The following TPO variants were observed in gnomAD, a reference collection of about 807,000 sequenced individuals.
The protein encoded by TPO is thyroid microsomal antigen.
Under a neutral mutation model 96.9 loss-of-function variants are expected in TPO, and 78 were observed. The observed-to-expected ratio is 0.81, with a 90% CI of 0.67 to 0.97. The LOEUF (loss-of-function observed/expected upper bound fraction) is 0.97. TPO is among the 50% of genes least tolerant of loss of function. TPO has a pLI of 0.00. For missense variants in TPO, 1,252 were observed against 1,274.8 expected (o/e 0.98, Z 0.27); for synonymous variants, 547 against 538.0 (o/e 1.02, Z -0.23).
chr2:1,393,931 T>A (rs1573057361), intron 1 of TPO, among the ~76,000 whole-genome samples: 1 of 152,258 alleles, frequency 6.6e-6, no homozygotes, highest in Admixed American at 6.5e-5. Flanking sequence ...TTAAGTAGAC[T>A]GTGAAAGATA....
intron 1 of TPO, among the ~76,000 whole-genome samples, chr2:1,393,863 G>A (rs570470076): frequency 2.1e-4 from 32 of 152,146 alleles, no homozygotes; most frequent in African/African-American, 5.8e-4. Context: ...TCTTCTTTAC[G>A]CATTTATTGC....
Position 1,422,337 on chromosome 2 carries a change from C to CCTGGACAGACCTCGTGCAGGCGCCGCG in TPO, c.95-702_95-701insAGACCTCGTGCAGGCGCCGCGCTGGAC, listed in dbSNP as rs1663712494. The stretch of plus-strand genomic sequence containing the variant: ...GGACAGACCTCGTGCAGGCGCCTCT[C>CCTGGACAGACCTCGTGCAGGCGCCGCG]CTGGACCGACCTCGTGCAGGCGCCG... On this transcript the variant is annotated intron_variant, in intron 2 of 16. Coordinates refer to ENST00000329066, the MANE Select transcript of TPO (RefSeq NM_001206744.2). 3.8e-3 allele frequency among the ~76,000 whole-genome samples: 316 copies of CCTGGACAGACCTCGTGCAGGCGCCGCG among 82,730 alleles called. 12 individuals carry two copies. Among genetic ancestry groups the CCTGGACAGACCTCGTGCAGGCGCCGCG allele is most frequent in the African/African-American group, 0.012 (294 of 24,070 alleles). The allele number at this position is 82,730 out of a possible 152,430, so 54.3% of individuals were successfully genotyped here.
intron 7 of TPO, among the ~76,000 whole-genome samples, chr2:1,460,134 T>A (rs888592667): frequency 1.3e-5 from 2 of 151,890 alleles, no homozygotes; most frequent in African/African-American, 4.8e-5. Context: ...TGGGGTTTCA[T>A]CGTGTTGGCC....
intron 14 of TPO, among the ~76,000 whole-genome samples, chr2:1,506,704 A>G (rs1673504664): frequency 6.6e-6 from 1 of 152,236 alleles, no homozygotes; most frequent in African/African-American, 2.4e-5. Context: ...GTCTGTTCAT[A>G]TCCTTCACCC....
Position 1,432,086 on chromosome 2 carries a change from G to A in TPO, c.180-1352G>A, listed in dbSNP as rs1249723163. Reference sequence around the variant, plus strand: ...GCTGGAGAGGCCCCGCCCTGCAGGCGACTCAGCCAGGGCAGCTGTCTGGAG... The same window carrying A: ...GCTGGAGAGGCCCCGCCCTGCAGGCAACTCAGCCAGGGCAGCTGTCTGGAG... On this transcript the variant is annotated intron_variant, in intron 3 of 16. Transcript: ENST00000329066. Among the ~76,000 whole-genome samples the A allele has an allele frequency of 5.3e-5, 8 of 152,362 alleles. No homozygotes were observed. The South Asian group carries it at 6.2e-4, about 12-fold the overall frequency.
At chr2:1,479,126 A>T (rs1446089022) in intron 8 of TPO, among the ~76,000 whole-genome samples, 3 of 152,194 alleles carry the variant, frequency 2.0e-5, no homozygotes, top group Admixed American at 2.0e-4. Flanking sequence ...GGGAATATAA[A>T]CCCAGGAGCT....
chr2:1,462,160 G>A (rs936563681), intron 7 of TPO, among the ~76,000 whole-genome samples: 6 of 152,144 alleles, frequency 3.9e-5, no homozygotes, highest in South Asian at 2.1e-4. Context: ...CCTTCCACAC[G>A]GAGCACATGC....
chr2:1,474,078 T>G lies in TPO; in HGVS notation c.820-3008T>G, dbSNP rs114550841. On this transcript the variant is annotated intron_variant, in intron 7 of 16. Transcript: ENST00000329066. Reference sequence around the variant, plus strand: ...CAATGATAGCGGGAGTTTCTGCTAGTCCTTAATTTTAAATTAAATTGTTCC... The same window carrying G: ...CAATGATAGCGGGAGTTTCTGCTAGGCCTTAATTTTAAATTAAATTGTTCC... Among the ~76,000 whole-genome samples the G allele has an allele frequency of 9.5e-3, 1,442 of 152,320 alleles. 22 individuals carry two copies. The highest frequency in any genetic ancestry group is 0.032 in the African/African-American group (1,342 of 41,566).
intron 15 of TPO, among the ~76,000 whole-genome samples, chr2:1,520,541 G>T (rs1675148411): frequency 6.6e-6 from 1 of 152,180 alleles, no homozygotes; most frequent in South Asian, 2.1e-4. Context: ...GCTGTCTGGG[G>T]TCTCACACTG....
At position 1,494,015 on chromosome 2, in the gene TPO, T is replaced by C; in HGVS notation, c.1982T>C (p.Met661Thr). Residue 661 changes from methionine (M) to threonine (T), a missense_variant, in exon 11 of 17, where the codon ATG (methionine) becomes ACG (threonine). By Grantham distance (81) the Met-to-Thr change is moderately conservative. Transcript: ENST00000329066. ...PLFACLIGKQ[M>T]KALRDGDWFW... ...TTTGCCTGTCTCATTGGGAAGCAGA[T>C]GAAGGCTCTGCGGGACGGTGACTGG... 1 of 1,614,154 alleles carries C rather than the reference T, an allele frequency of 6.2e-7. No individual in the cohort carries two copies. The highest frequency in any genetic ancestry group is 8.5e-7 in the Non-Finnish European group (1 of 1,180,034).
At chr2:1,400,156 G>T (rs577427274) in intron 1 of TPO, among the ~76,000 whole-genome samples, 2 of 152,204 alleles carry the variant, frequency 1.3e-5, no homozygotes, top group African/African-American at 4.8e-5. Context: ...GAGGCTCCTA[G>T]GTTATAAAAA....
chr2:1,477,327 C>T lies in TPO; in HGVS notation c.1061C>T (p.Ala354Val), dbSNP rs766827032. The T allele has an allele frequency of 1.3e-6, 2 of 1,564,328 alleles. No individual in the cohort carries two copies. Among genetic ancestry groups the T allele is most frequent in the East Asian group, 2.4e-5 (1 of 42,390 alleles). Residue 354 changes from alanine to valine, a missense_variant, in exon 8 of 17, where the codon GCG (alanine) becomes GTG (valine). Ala to Val is a moderately conservative substitution (Grantham distance 64). Coordinates refer to ENST00000329066, the MANE Select transcript of TPO (RefSeq NM_001206744.2). ...TSAEGLLRVHARLRDSGRAYL... is the reference protein window; with the variant it reads ...TSAEGLLRVHVRLRDSGRAYL... ...GCCGAAGGGCTGCTCCGCGTCCACGCGCGCCTCCGGGACTCCGGCCGCGCC... is the reference window on the plus strand; with the variant it reads ...GCCGAAGGGCTGCTCCGCGTCCACGTGCGCCTCCGGGACTCCGGCCGCGCC...
intron 1 of TPO, among the ~76,000 whole-genome samples, chr2:1,386,887 A>G (rs1372754507): frequency 2.0e-5 from 3 of 150,758 alleles, no homozygotes; most frequent in Admixed American, 6.6e-5. Context: ...TCCTTCAGGA[A>G]CTCTTTTAGG....
chr2:1,384,875 A>C (rs910176741), intron 1 of TPO, among the ~76,000 whole-genome samples: 11 of 152,224 alleles, frequency 7.2e-5, no homozygotes, highest in African/African-American at 2.7e-4. Flanking sequence ...TATTATTTTT[A>C]GATACATCCC....
At chr2:1,464,805 T>C (rs7583792) in intron 7 of TPO, among the ~76,000 whole-genome samples, 66,226 of 152,084 alleles carry the variant, frequency 0.44, 14,624 homozygotes, top group East Asian at 0.49. Flanking sequence ...ATTAATCCTT[T>C]GTCAGATGTG....
chr2:1,459,788 C>T (rs1192732074), intron 7 of TPO, among the ~76,000 whole-genome samples: 2 of 152,168 alleles, frequency 1.3e-5, no homozygotes, highest in Non-Finnish European at 2.9e-5. Flanking sequence ...CCAGGTCCAG[C>T]CTCTGTCCCT....
rs769450110 is a variant in TPO at position 1,516,910 on chromosome 2, G to C, written c.2546G>C (p.Trp849Ser). The change falls in exon 15 of 17, where the codon TGG (tryptophan) becomes TCG (serine). Residue 849 changes from tryptophan (W) to serine (S), a missense_variant. Coordinates refer to ENST00000329066, the MANE Select transcript of TPO (RefSeq NM_001206744.2). ...TCCGGGAGGCTCCCTCGGGTGACTT[G>C]GATCTCCATGTCGCTGGCTGCTCTG... ...VDSGRLPRVT[W>S]ISMSLAALLI... 1.2e-5 allele frequency: 20 copies of C among 1,613,836 alleles called. No homozygotes were observed. In the African/African-American group the frequency reaches 2.4e-4, roughly 19 times the overall value.
At chr2:1,428,775 C>G (rs949833) in intron 3 of TPO, among the ~76,000 whole-genome samples, 38,888 of 152,072 alleles carry the variant, frequency 0.26, 5,177 homozygotes, top group Admixed American at 0.35. Context: ...AGATAAATGT[C>G]TCCAAGGAAA....
chr2:1,534,275 A>G (rs570893642), intron 15 of TPO, among the ~76,000 whole-genome samples: 52 of 103,796 alleles, frequency 5.0e-4, no homozygotes, highest in African/African-American at 2.0e-3. Context: ...AATCCCCCCA[A>G]TATGAGCAAC....
Sources: gnomAD v4.1 joint callset for allele counts (sites outside exome capture counted in the v4.1 genomes callset) on GRCh38, gnomAD v4.1.1 for gene constraint, MANE v1.5 for transcripts, NCBI Gene and HGNC (gene_info 2026-07-23, HGNC 2026-07-21) for gene names.